The following SPPL3 variants were observed in gnomAD, a reference collection of about 807,000 sequenced individuals.
SPPL3 encodes signal peptide peptidase-like 3.
SPPL3 carries 5 observed loss-of-function variants against 42.4 expected under a neutral mutation model. The ratio of observed to expected loss-of-function variants is 0.12; its 90% CI spans 0.06 to 0.25. The LOEUF (loss-of-function observed/expected upper bound fraction) is 0.25. Among genes scored for constraint, SPPL3 ranks in the 10% least tolerant of loss-of-function variants. The probability of loss-of-function intolerance (pLI) is 1.00; values close to 1 mark genes in which losing one functional copy is unlikely to be tolerated. For missense variants in SPPL3, 235 were observed against 489.0 expected (o/e 0.48, Z 4.90); for synonymous variants, 195 against 181.8 (o/e 1.07, Z -0.58).
chr12:120,772,123 G>C (rs1187815167), intron 6 of SPPL3, among the ~76,000 whole-genome samples: 1 of 152,172 alleles, frequency 6.6e-6, no homozygotes, highest in African/African-American at 2.4e-5. Flanking sequence ...CTGGGTTCAA[G>C]TGATTCTCCT....
At chr12:120,802,270 C>T (rs1173074563) in intron 2 of SPPL3, among the ~76,000 whole-genome samples, 2 of 151,302 alleles carry the variant, frequency 1.3e-5, no homozygotes, top group African/African-American at 2.4e-5. Flanking sequence ...ACCATGAGTG[C>T]TGTTAAGACA....
At chr12:120,864,808 C>G (rs1274955177) in intron 1 of SPPL3, among the ~76,000 whole-genome samples, 1 of 152,144 alleles carries the variant, frequency 6.6e-6, no homozygotes, top group African/African-American at 2.4e-5. Flanking sequence ...CCCATTACAT[C>G]ACACAAAGCA....
At position 120,765,097 on chromosome 12, in the gene SPPL3, A is replaced by G. The variant is rs373957771; in HGVS notation, c.1084-27T>C. 78 of 1,610,882 alleles carry G rather than the reference A, an allele frequency of 4.8e-5. No homozygotes were observed. The African/African-American group carries it at 6.0e-4, about 12-fold the overall frequency. Reference sequence around the variant, plus strand: ...TGGGAAACAAGGGACTTTCTAAGTTACAGATTTAAACATGAGGCACACACA... The same window carrying G: ...TGGGAAACAAGGGACTTTCTAAGTTGCAGATTTAAACATGAGGCACACACA... On this transcript the variant is annotated intron_variant, in intron 10 of 10. Transcript: ENST00000353487.
At chr12:120,871,277 GT>G (rs1872925173) in intron 1 of SPPL3, among the ~76,000 whole-genome samples, 2 of 151,730 alleles carry the variant, frequency 1.3e-5, no homozygotes, top group Non-Finnish European at 2.9e-5. Context: ...TTTTACCACA[GT>G]TTTTTAAAAA....
chr12:120,895,743 A>G (rs994679327), intron 1 of SPPL3, among the ~76,000 whole-genome samples: 1 of 121,542 alleles, frequency 8.2e-6, no homozygotes, highest in African/African-American at 2.5e-5. Context: ...GCATTATCTC[A>G]CTAAATCCTC....
Position 120,904,343 on chromosome 12 carries a change from C to T in SPPL3, c.-476G>A, listed in dbSNP as rs192784397. On this transcript the variant is annotated 5_prime_UTR_variant, in exon 1 of 11. In the 5' UTR this introduces an upstream ATG that the reference lacks. Transcript: ENST00000353487. ...GCGATGAGGCGAGGCCACTCGATCA[C>T]ACCCGCCGAGGGGAGGAGGGGCGGG... 6.9e-3 allele frequency: 1,131 copies of T among 164,046 alleles called. 14 individuals carry two copies. The highest frequency in any genetic ancestry group is 0.026 in the African/African-American group (1,063 of 41,448). 10.2% of individuals were successfully genotyped at this position (164,046 alleles called of 1,614,324 possible).
At chr12:120,840,301 AAAGC>A in intron 1 of SPPL3, among the ~76,000 whole-genome samples, 1 of 151,072 alleles carries the variant, frequency 6.6e-6, no homozygotes, top group Non-Finnish European at 1.5e-5. Flanking sequence ...AAAAAAAAAA[AAAGC>A]AGTAAAATAC....
chr12:120,857,853 C>G (rs796517792), intron 1 of SPPL3, among the ~76,000 whole-genome samples: 1 of 152,196 alleles, frequency 6.6e-6, no homozygotes, highest in Non-Finnish European at 1.5e-5. Context: ...GGATAAACAG[C>G]TAATGCATGC....
At chr12:120,837,876 T>C (rs923465751) in intron 1 of SPPL3, among the ~76,000 whole-genome samples, 1 of 152,088 alleles carries the variant, frequency 6.6e-6, no homozygotes, top group African/African-American at 2.4e-5. Flanking sequence ...CAAAATGGTA[T>C]AGTCTCTACT....
intron 1 of SPPL3, among the ~76,000 whole-genome samples, chr12:120,902,979 T>G (rs1874030506): frequency 6.6e-6 from 1 of 152,176 alleles, no homozygotes; most frequent in South Asian, 2.1e-4. Context: ...TCTCCGGATA[T>G]GTAGGTTGTC....
intron 1 of SPPL3, among the ~76,000 whole-genome samples, chr12:120,813,318 C>CT (rs149707030): frequency 0.068 from 9,161 of 134,230 alleles, 657 homozygotes; most frequent in African/African-American, 0.17. Context: ...GGATCCTCAG[C>CT]TTTTTTTTTT....
intron 1 of SPPL3, among the ~76,000 whole-genome samples, chr12:120,876,677 AC>A (rs1809488697): frequency 6.6e-6 from 1 of 151,610 alleles, no homozygotes; most frequent in South Asian, 2.1e-4. Flanking sequence ...AATCAAGCAG[AC>A]CAAAATGTAC....
intron 1 of SPPL3, among the ~76,000 whole-genome samples, chr12:120,897,072 T>C (rs1873829982): frequency 6.6e-6 from 1 of 152,168 alleles, no homozygotes; most frequent in South Asian, 2.1e-4. Context: ...AAAACAGATA[T>C]GAATGATGAG....
chr12:120,817,249 C>T (rs941199382), intron 1 of SPPL3, among the ~76,000 whole-genome samples: 5 of 152,228 alleles, frequency 3.3e-5, no homozygotes, highest in Admixed American at 1.3e-4. Context: ...GAGCCATGAT[C>T]GTGCCACTGC....
At chr12:120,883,522 A>C (rs1240427460) in intron 1 of SPPL3, among the ~76,000 whole-genome samples, 1 of 152,218 alleles carries the variant, frequency 6.6e-6, no homozygotes, top group Non-Finnish European at 1.5e-5. Context: ...ATAAACCCTA[A>C]GAAAACTCTG....
intron 1 of SPPL3, among the ~76,000 whole-genome samples, chr12:120,873,393 G>A (rs149493691): frequency 9.9e-4 from 151 of 152,142 alleles, no homozygotes; most frequent in African/African-American, 3.6e-3. Context: ...AAGAAATAAC[G>A]GCTGCAAATT....
chr12:120,882,750 T>C (rs1321336756), intron 1 of SPPL3, among the ~76,000 whole-genome samples: 3 of 152,140 alleles, frequency 2.0e-5, no homozygotes, highest in African/African-American at 7.2e-5. Flanking sequence ...AATCTCCACC[T>C]GGGCACAGTG....
At chr12:120,827,464 A>G (rs1871264103) in intron 1 of SPPL3, among the ~76,000 whole-genome samples, 1 of 151,946 alleles carries the variant, frequency 6.6e-6, no homozygotes. Flanking sequence ...CATCTTTTCA[A>G]CTTCTCCCTG....
chr12:120,853,694 T>C (rs631168), intron 1 of SPPL3, among the ~76,000 whole-genome samples: 36,844 of 151,852 alleles, frequency 0.24, 5,512 homozygotes, highest in Non-Finnish European at 0.35. Context: ...CACAGATCGC[T>C]GTACCTACCC....
Sources: gnomAD v4.1 joint callset for allele counts (sites outside exome capture counted in the v4.1 genomes callset) on GRCh38, gnomAD v4.1.1 for gene constraint, MANE v1.5 for transcripts, NCBI Gene and HGNC (gene_info 2026-07-23, HGNC 2026-07-21) for gene names.